NSUN5: variants seen among roughly 807,000 people sequenced by gnomAD.
The protein encoded by NSUN5 is 28S rRNA (cytosine-C(5))-methyltransferase.
Under a neutral mutation model 51.1 loss-of-function variants are expected in NSUN5, and 39 were observed. That is an observed-to-expected ratio of 0.76 (90% CI 0.59 to 1.00). The LOEUF (loss-of-function observed/expected upper bound fraction) is 1.00. Ranked by LOEUF, NSUN5 falls within the 50% of genes least tolerant of loss-of-function variation. The pLI is 0.00. For missense variants in NSUN5, 526 were observed against 614.0 expected, an observed-to-expected ratio of 0.86 and a Z score of 1.51; for synonymous variants, 266 against 271.5, an observed-to-expected ratio of 0.98 and a Z score of 0.20.
At position 73,307,762 on chromosome 7, in the gene NSUN5, G is replaced by A. The variant is rs1804106337; in HGVS notation, c.217-5C>T. The A allele has an allele frequency of 6.5e-7, 1 of 1,541,052 alleles. No individual in the cohort carries two copies. The highest frequency in any genetic ancestry group is 2.1e-5 in the Admixed American group (1 of 48,142). The stretch of plus-strand genomic sequence containing the variant: ...CAACAACTCATACACTAGCACCTGG[G>A]AATGAGGGAACAAAGACAAAAACAA... On this transcript the variant is annotated splice_polypyrimidine_tract_variant and splice_region_variant and intron_variant, in intron 2 of 9. Transcript: ENST00000438747.
At chr7:73,307,011 A>G (rs1461942811) in intron 4 of NSUN5, among the ~76,000 whole-genome samples, 2 of 151,718 alleles carry the variant, frequency 1.3e-5, no homozygotes, top group Non-Finnish European at 2.9e-5. Context: ...GACATCTGTT[A>G]GATTTAACTG....
intron 4 of NSUN5, among the ~76,000 whole-genome samples, chr7:73,305,716 C>G (rs1804012218): frequency 6.6e-6 from 1 of 152,002 alleles, no homozygotes; most frequent in African/African-American, 2.4e-5. Context: ...TTCACTATAA[C>G]TCAGTAAAGG....
Position 73,304,827 on chromosome 7 carries a change from C to A in NSUN5, c.675G>T (p.Pro225=). Residue 225 remains proline, a synonymous_variant, in exon 6 of 10, where the codon CCG becomes CCT. Transcript: ENST00000438747. ...SCLPAMLLDP[P]PGSHVIDACA... is the part of the protein sequence containing the mutation. Reference sequence around the variant, plus strand: ...AGGCATCGATGACATGGGAGCCTGGCGGGGGGTCCAGCAGCATGGCTGGGA... The same window carrying A: ...AGGCATCGATGACATGGGAGCCTGGAGGGGGGTCCAGCAGCATGGCTGGGA... 1 of 1,613,772 alleles carries A rather than the reference C, an allele frequency of 6.2e-7. No homozygotes were observed. Among genetic ancestry groups the A allele is most frequent in the South Asian group, 1.1e-5 (1 of 91,064 alleles).
chr7:73,308,378 T>A, intron 2 of NSUN5, 53 bp downstream of exon 2: 2 of 1,544,110 alleles, frequency 1.3e-6, no homozygotes, highest in South Asian at 2.4e-5. Flanking sequence ...TGAGACCAGA[T>A]GACAAAGCGC....
intron 3 of NSUN5, 33 bp downstream of exon 3, chr7:73,307,550 G>GCCAGCCCC: frequency 8.6e-7 from 1 of 1,165,556 alleles, no homozygotes; most frequent in Non-Finnish European, 1.3e-6. Context: ...AAAGTTCCCC[G>GCCAGCCCC]CCTCCCCCAC....
At chr7:73,308,159 G>A in intron 2 of NSUN5, 2 of 476,966 alleles carry the variant, frequency 4.2e-6, no homozygotes, top group Non-Finnish European at 7.4e-6. Context: ...TCAGCCTCCC[G>A]AGTAGCTGGG....
Position 73,308,516 on chromosome 7 carries a change from T to C in NSUN5, c.131A>G (p.Gln44Arg), listed in dbSNP as rs781982177. ...AGCATCCAGCACGGCGGAGTAGCGC[T>C]GCGTTTCGCACACCAGCGCGTACAG... ...KQLYALVCETQRYSAVLDAVI... is the reference protein window; with the variant it reads ...KQLYALVCETRRYSAVLDAVI... The change falls in exon 2 of 10, where the codon CAG becomes CGG. Residue 44 changes from glutamine to arginine, a missense_variant. Transcript: ENST00000438747. 8.7e-6 allele frequency: 14 copies of C among 1,603,874 alleles called. No individual in the cohort carries two copies. In the East Asian group the frequency reaches 2.7e-4, roughly 31 times the overall value.
At position 73,307,568 on chromosome 7, in the gene NSUN5, C is replaced by T. The variant is rs782127602; in HGVS notation, c.391+15G>A. 4.0e-6 allele frequency: 6 copies of T among 1,501,784 alleles called. No individual in the cohort carries two copies. The highest frequency in any genetic ancestry group is 3.6e-5 in the Admixed American group (2 of 55,434). The allele number at this position is 1,501,784 out of a possible 1,614,324, so 93.0% of individuals were successfully genotyped here. A position where few individuals can be genotyped will look rare whatever the true frequency, so the allele number is the denominator to read the frequency against. ...GTTCCCCGCCTCCCCCACCCCCCAACTCCTTCCAGCTTACCTGGACCAGGC... is the reference window on the plus strand; with the variant it reads ...GTTCCCCGCCTCCCCCACCCCCCAATTCCTTCCAGCTTACCTGGACCAGGC... On this transcript the variant is annotated intron_variant, in intron 3 of 9. Transcript: ENST00000438747.
At chr7:73,307,785 C>A (rs1563292753) in intron 2 of NSUN5, 28 bp from the exon 3 acceptor site, 6 of 1,521,508 alleles carry the variant, frequency 3.9e-6, no homozygotes, top group Admixed American at 4.3e-5. Flanking sequence ...AAGACAAAAA[C>A]AAAAATGCCC....
intron 8 of NSUN5, 32 bp downstream of exon 8, chr7:73,303,794 C>T (rs767712977): frequency 8.1e-6 from 13 of 1,613,690 alleles, no homozygotes; most frequent in Admixed American, 1.7e-5. Context: ...CCCCGTCCCC[C>T]ACTCCCCACG....
chr7:73,302,862 C>G lies in NSUN5; in HGVS notation c.*553G>C, dbSNP rs1413627272. ...AGAACAGCTCTGATCCTCGTTAATA[C>G]CTGGCTGCGTGTGCAGCTGAGGAGG... On this transcript the variant is annotated 3_prime_UTR_variant, in exon 10 of 10. Coordinates refer to ENST00000438747, the MANE Select transcript of NSUN5 (RefSeq NM_148956.4). 6 of 1,019,106 alleles carry G rather than the reference C, an allele frequency of 5.9e-6. No homozygotes were observed. In the African/African-American group the frequency reaches 1.0e-4, roughly 17 times the overall value. 63.1% of individuals were successfully genotyped at this position (1,019,106 alleles called of 1,614,324 possible).
Position 73,308,794 on chromosome 7 carries a change from C to T in NSUN5, c.-4G>A, listed in dbSNP as rs1214047126. The T allele has an allele frequency of 6.2e-7, 1 of 1,612,530 alleles. No individual in the cohort carries two copies. Among genetic ancestry groups the T allele is most frequent in the Non-Finnish European group, 8.5e-7 (1 of 1,179,400 alleles). ...CAGCTGCAGCATACAGCCCCATGTT[C>T]CCGCGCGCCTTTACGGCTCTGTGGC... On this transcript the variant is annotated 5_prime_UTR_variant, in exon 1 of 10. Coordinates refer to ENST00000438747, the MANE Select transcript of NSUN5 (RefSeq NM_148956.4).
chr7:73,304,607 G>T, intron 6 of NSUN5, 140 bp downstream of exon 6: 1 of 893,014 alleles, frequency 1.1e-6, no homozygotes, highest in Non-Finnish European at 1.8e-6. Flanking sequence ...AGTGGGGAAA[G>T]CTTAGCTTGG....
At chr7:73,308,039 G>A in intron 2 of NSUN5, 1 of 479,156 alleles carries the variant, frequency 2.1e-6, no homozygotes, top group Non-Finnish European at 3.7e-6. Flanking sequence ...TCGTGGGTTT[G>A]GGTTTTCTTT....
rs4031003 is a variant in NSUN5 at position 73,303,320 on chromosome 7, C to T, written c.*95G>A. 8 of 1,613,860 alleles carry T rather than the reference C, an allele frequency of 5.0e-6. No homozygotes were observed. Among genetic ancestry groups the T allele is most frequent in the Non-Finnish European group, 6.8e-6 (8 of 1,179,856 alleles). ...GAAGGGACCCAATAACCTTTCAAAACCCAAACTGCTTCCTGCGGTGAGGGC... is the reference window on the plus strand; with the variant it reads ...GAAGGGACCCAATAACCTTTCAAAATCCAAACTGCTTCCTGCGGTGAGGGC... On this transcript the variant is annotated 3_prime_UTR_variant, in exon 10 of 10. Transcript: ENST00000438747.
rs781834379 is a variant in NSUN5, at chr7:73,303,684, G to C, written c.1202C>G (p.Ala401Gly). 1.9e-5 allele frequency: 30 copies of C among 1,614,068 alleles called. No individual in the cohort carries two copies. The African/African-American group carries it at 3.7e-4, about 20-fold the overall frequency. Residue 401 changes from alanine to glycine, a missense_variant, in exon 9 of 10, where the codon GCC becomes GGC. Physicochemically the swap from Ala to Gly is moderately conservative, Grantham distance 60 (BLOSUM62 0). Transcript: ENST00000438747. ...AGGGGAGGCCCGGAGGCAGTGCTCG[G>C]CACCCGGGAACGTGCTCAGGCCTCG... is the stretch of plus-strand genomic sequence containing the variant. ...PHRGLSTFPG[A>G]EHCLRASPET...
In NSUN5 at chr7:73,302,958, T is replaced by A; in HGVS notation, c.*457A>T. On this transcript the variant is annotated 3_prime_UTR_variant, in exon 10 of 10. Coordinates refer to ENST00000438747, the MANE Select transcript of NSUN5 (RefSeq NM_148956.4). The stretch of plus-strand genomic sequence containing the variant: ...GTGGGCCTGGGCCTAGCAATCAAGC[T>A]TCTACCTGTACCTTATGTAAGGTAG... The A allele has an allele frequency of 3.6e-6, 4 of 1,116,106 alleles. No homozygotes were observed. Among genetic ancestry groups the A allele is most frequent in the Non-Finnish European group, 4.4e-6 (4 of 907,756 alleles). 69.1% of individuals were successfully genotyped at this position (1,116,106 alleles called of 1,614,324 possible).
rs1554541213 is a variant in NSUN5 at position 73,303,811 on chromosome 7, G to A, written c.1145+15C>T. 2.5e-6 allele frequency: 4 copies of A among 1,613,764 alleles called. No individual in the cohort carries two copies. Among genetic ancestry groups the A allele is most frequent in the South Asian group, 2.2e-5 (2 of 91,058 alleles). ...CCGTCCCCCACTCCCCACGACCCTGGCGCCCGCCCTGTACCTGAAGGCGCC... is the reference window on the plus strand; with the variant it reads ...CCGTCCCCCACTCCCCACGACCCTGACGCCCGCCCTGTACCTGAAGGCGCC... On this transcript the variant is annotated intron_variant, in intron 8 of 9. Transcript: ENST00000438747.
Position 73,303,871 on chromosome 7 carries a change from T to C in NSUN5, c.1100A>G (p.Glu367Gly), listed in dbSNP as rs1554541259. 6.2e-7 allele frequency: 1 copy of C among 1,613,902 alleles called. No individual in the cohort carries two copies. Among genetic ancestry groups the C allele is most frequent in the South Asian group, 1.1e-5 (1 of 91,074 alleles). The change falls in exon 8 of 10, where the codon GAA (glutamate) becomes GGA (glycine). Residue 367 changes from glutamate (E) to glycine (G), a missense_variant. Glu to Gly is a moderately conservative substitution (Grantham distance 98). Transcript: ENST00000438747. ...STCSLCQEEN[E>G]DVVRDALQQN... is the part of the protein sequence containing the mutation. ...CTGCAGCGCATCTCGCACCACGTCTTCATTCTCCTCCTGGCAGAGGGAGCA... is the reference window on the plus strand; with the variant it reads ...CTGCAGCGCATCTCGCACCACGTCTCCATTCTCCTCCTGGCAGAGGGAGCA...
Sources: allele counts gnomAD v4.1 joint callset (sites outside exome capture counted in the v4.1 genomes callset), GRCh38; gene constraint gnomAD v4.1.1; transcripts MANE v1.5; gene names NCBI Gene and HGNC (gene_info 2026-07-23, HGNC 2026-07-21).